Variants in RPS6KA2 observed in about 807,000 individuals in gnomAD.
RPS6KA2 encodes ribosomal protein S6 kinase alpha-2.
Under a neutral mutation model 91.8 loss-of-function variants are expected in RPS6KA2, and 42 were observed. That is an observed-to-expected ratio of 0.46 (90% CI 0.36 to 0.59). RPS6KA2 has a LOEUF of 0.59. Among genes scored for constraint, RPS6KA2 ranks in the 20% least tolerant of loss-of-function variants. The pLI is 0.00. For synonymous variants in RPS6KA2, 414 were observed against 393.6 expected (o/e 1.05, Z -0.61); for missense variants, 798 against 978.5 (o/e 0.82, Z 2.46).
intron 2 of RPS6KA2, among the ~76,000 whole-genome samples, chr6:166,764,525 C>G (rs1778256168): frequency 6.6e-6 from 1 of 151,968 alleles, no homozygotes; most frequent in African/African-American, 2.4e-5. Context: ...AGAAGGCGGG[C>G]AGGGGTGGTT....
rs10541160 is a variant in RPS6KA2, at chr6:166,727,319, AACACACACACACAC to A, written c.123+130867_123+130880del. Among the ~76,000 whole-genome samples, 3 of 146,640 alleles carry A rather than the reference AACACACACACACAC, an allele frequency of 2.0e-5. No individual in the cohort carries two copies. The Admixed American group carries it at 2.1e-4, about 10-fold the overall frequency. On this transcript the variant is annotated intron_variant, in intron 2 of 21. Transcript: ENST00000503859. ...ATTATAGATCATACTTAAACAAACA[AACACACACACACAC>A]ACACACACACACACACAGCTGTAAT...
At chr6:166,745,057 A>AG (rs200922796) in intron 2 of RPS6KA2, among the ~76,000 whole-genome samples, 1 of 150,806 alleles carries the variant, frequency 6.6e-6, no homozygotes, top group African/African-American at 2.4e-5. Flanking sequence ...GTTGGCTTCT[A>AG]GGGGGACCTT....
At chr6:166,621,573 A>G (rs541674773) in intron 1 of RPS6KA2, among the ~76,000 whole-genome samples, 69 of 152,352 alleles carry the variant, frequency 4.5e-4, no homozygotes, top group African/African-American at 1.5e-3. Context: ...GAGAAAATGC[A>G]ACACAACCTA....
intron 2 of RPS6KA2, among the ~76,000 whole-genome samples, chr6:166,744,760 C>A (rs1024236693): frequency 2.6e-5 from 4 of 152,160 alleles, no homozygotes; most frequent in Non-Finnish European, 5.9e-5. Flanking sequence ...AGCGGCACTC[C>A]ACGTCCCTGG....
At chr6:166,822,663 T>C (rs1779932818) in intron 2 of RPS6KA2, among the ~76,000 whole-genome samples, 1 of 152,122 alleles carries the variant, frequency 6.6e-6, no homozygotes, top group Non-Finnish European at 1.5e-5. Flanking sequence ...AGCTCATGGA[T>C]TATTTATGTG....
intron 5 of RPS6KA2, among the ~76,000 whole-genome samples, chr6:166,506,138 C>T (rs1562541459): frequency 6.6e-6 from 1 of 152,266 alleles, no homozygotes; most frequent in South Asian, 2.1e-4. Context: ...TTCGCCGGCA[C>T]AGCGACGGTC....
At chr6:166,761,314 G>A (rs1778164905) in intron 2 of RPS6KA2, among the ~76,000 whole-genome samples, 1 of 152,126 alleles carries the variant, frequency 6.6e-6, no homozygotes, top group Non-Finnish European at 1.5e-5. Context: ...CAAAGTGCTG[G>A]GATTACAGGC....
In RPS6KA2 at chr6:166,825,946, C is replaced by G. The variant is rs114061189; in HGVS notation, c.123+32254G>C. On this transcript the variant is annotated intron_variant, in intron 2 of 21. Transcript: ENST00000503859. This position sits in a 1 kb window ranked among gnomAD's most constrained non-coding sequence, Gnocchi z 4.1. ...CTGTCATCTGAGCTCCTGCCTTTCA[C>G]GTCAACATTTGTGAGTAGAAAGTAA... Among the ~76,000 whole-genome samples, 3,142 of 152,230 alleles carry G rather than the reference C, an allele frequency of 0.021. 110 individuals are homozygous for G. The highest frequency in any genetic ancestry group is 0.071 in the African/African-American group (2,957 of 41,524).
intron 10 of RPS6KA2, among the ~76,000 whole-genome samples, chr6:166,475,194 G>A (rs974500219): frequency 2.0e-5 from 3 of 151,810 alleles, no homozygotes; most frequent in African/African-American, 7.3e-5. Flanking sequence ...GTCACCCCAT[G>A]CTGCTACAGC....
intron 2 of RPS6KA2, among the ~76,000 whole-genome samples, chr6:166,694,805 GAGAA>G (rs1394910366): frequency 5.9e-5 from 9 of 152,228 alleles, no homozygotes; most frequent in African/African-American, 1.4e-4. Flanking sequence ...CACGTTGAGA[GAGAA>G]AGAGAGTAAT....
At chr6:166,536,380 A>G (rs1783478168) in intron 2 of RPS6KA2, among the ~76,000 whole-genome samples, 1 of 152,188 alleles carries the variant, frequency 6.6e-6, no homozygotes, top group Non-Finnish European at 1.5e-5. Context: ...TGTTATTTGC[A>G]TGTAGAGAGG....
At chr6:166,851,096 C>A (rs73788171) in intron 2 of RPS6KA2, among the ~76,000 whole-genome samples, 1 of 152,132 alleles carries the variant, frequency 6.6e-6, no homozygotes, top group African/African-American at 2.4e-5. Context: ...ATTTCACCAC[C>A]TGAAAAATGG....
intron 8 of RPS6KA2, 138 bp downstream of exon 8, chr6:166,498,370 G>T: frequency 1.0e-6 from 1 of 984,326 alleles, no homozygotes; most frequent in Non-Finnish European, 1.4e-6. Context: ...GAAATGCTTG[G>T]CCTGGACACT....
chr6:166,792,976 G>T (rs10806861), intron 2 of RPS6KA2, among the ~76,000 whole-genome samples: 52,377 of 151,316 alleles, frequency 0.35, 9,769 homozygotes, highest in African/African-American at 0.47. Flanking sequence ...ACCACTCCTA[G>T]TCAACATAGT....
At chr6:166,678,688 G>A (rs1336846365) in intron 2 of RPS6KA2, among the ~76,000 whole-genome samples, 1 of 152,222 alleles carries the variant, frequency 6.6e-6, no homozygotes, top group African/African-American at 2.4e-5. Flanking sequence ...AAGCAGCAAG[G>A]TGGGGTGAGA....
chr6:166,731,364 A>G (rs1312478638), intron 2 of RPS6KA2, among the ~76,000 whole-genome samples: 2 of 152,176 alleles, frequency 1.3e-5, no homozygotes, highest in Non-Finnish European at 2.9e-5. Context: ...CTGCCCTAGT[A>G]AAGATCCCCC....
intron 2 of RPS6KA2, among the ~76,000 whole-genome samples, chr6:166,644,401 G>A (rs1269902817): frequency 1.3e-5 from 2 of 152,102 alleles, no homozygotes; most frequent in African/African-American, 2.4e-5. Context: ...AGTCCATGAC[G>A]TCACTTCTTC....
At chr6:166,746,648 G>C (rs1269399693) in intron 2 of RPS6KA2, among the ~76,000 whole-genome samples, 1 of 152,224 alleles carries the variant, frequency 6.6e-6, no homozygotes, top group Admixed American at 6.5e-5. Context: ...TAAGCCCCAG[G>C]CTGTAGCCTG....
At chr6:166,551,534 G>A (rs1274613546) in intron 1 of RPS6KA2, among the ~76,000 whole-genome samples, 6 of 152,174 alleles carry the variant, frequency 3.9e-5, no homozygotes, top group South Asian at 4.1e-4. Context: ...CAGAGGTAAC[G>A]TGCAGATCAT....
Sources: allele counts gnomAD v4.1 joint callset (sites outside exome capture counted in the v4.1 genomes callset), GRCh38; gene constraint gnomAD v4.1.1; non-coding constraint Gnocchi (gnomAD v3.1); transcripts MANE v1.5; gene names NCBI Gene and HGNC (gene_info 2026-07-23, HGNC 2026-07-21).